The following BRWD1 variants were observed in gnomAD, a reference collection of about 807,000 sequenced individuals.
The protein encoded by BRWD1 is bromodomain and WD repeat domain containing 1, also known as bromodomain and WD repeat-containing protein 1.
Under a neutral mutation model 251.2 loss-of-function variants are expected in BRWD1, and 82 were observed. That is an observed-to-expected ratio of 0.33 (90% confidence interval 0.27 to 0.39). The LOEUF (loss-of-function observed/expected upper bound fraction) is 0.39, where lower values mean the gene tolerates loss of function less well. Ranked by LOEUF, BRWD1 falls within the 10% of genes least tolerant of loss-of-function variation. BRWD1 has a pLI of 1.00. For synonymous variants in BRWD1, 918 were observed against 902.8 expected, an observed-to-expected ratio of 1.02 and a Z score of -0.30; for missense variants, 2,233 against 2,711.6, an observed-to-expected ratio of 0.82 and a Z score of 3.92.
intron 31 of BRWD1, chr21:39,216,628 A>T: frequency 3.0e-6 from 1 of 335,936 alleles, no homozygotes; most frequent in Non-Finnish European, 5.7e-6. Flanking sequence ...GAAGTATATG[A>T]CTGTATAAAT....
At chr21:39,262,657 G>C (rs549733178) in intron 17 of BRWD1, among the ~76,000 whole-genome samples, 1 of 152,160 alleles carries the variant, frequency 6.6e-6, no homozygotes, top group East Asian at 1.9e-4. Context: ...GGAGGTTGCA[G>C]TGAGCCAAGA....
chr21:39,269,251 A>T (rs79011885), intron 15 of BRWD1, among the ~76,000 whole-genome samples: 15,273 of 148,370 alleles, frequency 0.1, 897 homozygotes, highest in East Asian at 0.14. Flanking sequence ...AAAAAAAAAA[A>T]TTTTTTTTTT....
At chr21:39,217,079 ATATATTTTTT>A (rs2032973410) in intron 31 of BRWD1, 1 of 11,690 alleles carries the variant, frequency 8.6e-5, no homozygotes, top group Non-Finnish European at 1.5e-4. Context: ...ATATATATAT[ATATATTTTTT>A]TTTTTTTTTT....
chr21:39,313,018 G>A lies in BRWD1; in HGVS notation c.138+54C>T, dbSNP rs868616798. 1.7e-3 allele frequency: 2,258 copies of A among 1,294,114 alleles called. 6 individuals carry two copies. Among genetic ancestry groups the A allele is most frequent in the Middle Eastern group, 6.4e-3 (22 of 3,422 alleles). 80.2% of individuals were successfully genotyped at this position (1,294,114 alleles called of 1,614,324 possible). Reference sequence around the variant, plus strand: ...GGGGGGCGCGGGCGAGCATCCCTCAGGGCAAGGTCGGCAGGAGGAACCCGA... The same window carrying A: ...GGGGGGCGCGGGCGAGCATCCCTCAAGGCAAGGTCGGCAGGAGGAACCCGA... On this transcript the variant is annotated intron_variant, in intron 3 of 40. Transcript: ENST00000342449.
At chr21:39,208,181 G>C (rs747808479) in intron 36 of BRWD1, among the ~76,000 whole-genome samples, 3 of 152,144 alleles carry the variant, frequency 2.0e-5, no homozygotes, top group Non-Finnish European at 2.9e-5. Context: ...AAAAACCACT[G>C]AACTATAAGC....
chr21:39,224,042 G>A (rs1000673955), intron 29 of BRWD1, among the ~76,000 whole-genome samples: 2 of 152,146 alleles, frequency 1.3e-5, no homozygotes, highest in Non-Finnish European at 2.9e-5. Flanking sequence ...TAGACACAGG[G>A]TTTCACCATG....
intron 26 of BRWD1, 70 bp from the exon 27 acceptor site, chr21:39,228,652 C>G (rs1450987625): frequency 1.3e-6 from 1 of 798,694 alleles, no homozygotes; most frequent in African/African-American, 1.7e-5. Flanking sequence ...GCAGCACTGT[C>G]CAAAAGAAAC....
chr21:39,206,977 C>T (rs2032422032), intron 36 of BRWD1, among the ~76,000 whole-genome samples: 1 of 152,248 alleles, frequency 6.6e-6, no homozygotes, highest in East Asian at 1.9e-4. Flanking sequence ...CAGTGGATGG[C>T]GAAGACACTC....
In BRWD1 at chr21:39,196,799, A is replaced by T; in HGVS notation, c.6270T>A (p.Asn2090Lys). Residue 2090 changes from asparagine to lysine, a missense_variant, in exon 41 of 41, where the codon AAT becomes AAA. Physicochemically the swap from Asn to Lys is moderately conservative, Grantham distance 94 (BLOSUM62 0). This residue lies in a region of BRWD1 where 928 missense variants were observed against 970.0 expected (regional missense o/e 0.96). Coordinates refer to ENST00000342449, the MANE Select transcript of BRWD1 (RefSeq NM_033656.4). ...TAENNFEVEL[N>K]YGLRRWNGRR... ...TGCCATTCCACCTGCGCAGCCCATAATTCAGTTCCACTTCAAAATTATTCT... is the reference window on the plus strand; with the variant it reads ...TGCCATTCCACCTGCGCAGCCCATATTTCAGTTCCACTTCAAAATTATTCT... 1 of 1,613,194 alleles carries T rather than the reference A, an allele frequency of 6.2e-7. No individual in the cohort carries two copies. The highest frequency in any genetic ancestry group is 8.5e-7 in the Non-Finnish European group (1 of 1,179,872).
At chr21:39,229,888 A>G (rs1403450457) in intron 25 of BRWD1, among the ~76,000 whole-genome samples, 1 of 152,036 alleles carries the variant, frequency 6.6e-6, no homozygotes, top group Non-Finnish European at 1.5e-5. Context: ...CAGGTACAAC[A>G]TGCCACCACA....
intron 18 of BRWD1, among the ~76,000 whole-genome samples, 189 bp downstream of exon 18, chr21:39,258,298 A>G (rs558075699): frequency 6.6e-6 from 1 of 152,324 alleles, no homozygotes; most frequent in East Asian, 1.9e-4. Context: ...GCAGTACTTG[A>G]AATTCAAAGA....
Position 39,210,037 on chromosome 21 carries a change from T to C in BRWD1, c.4155A>G (p.Ile1385Met), listed in dbSNP as rs2032586603. 3.1e-6 allele frequency: 5 copies of C among 1,613,774 alleles called. No individual in the cohort carries two copies. The highest frequency in any genetic ancestry group is 1.7e-4 in the Middle Eastern group (1 of 6,056). The change falls in exon 36 of 41, where the codon ATA becomes ATG. Residue 1385 changes from isoleucine (I) to methionine (M), a missense_variant. Ile to Met is a conservative substitution (Grantham distance 10). Transcript: ENST00000342449. ...PLEFCKDIRL[I>M]FSNAKAYTPN... is the part of the protein sequence containing the mutation. Reference sequence around the variant, plus strand: ...GTGTATACGCTTTTGCATTGCTAAATATCAGCCGGATGTCTTTGCAAAACT... The same window carrying C: ...GTGTATACGCTTTTGCATTGCTAAACATCAGCCGGATGTCTTTGCAAAACT...
In BRWD1 at chr21:39,195,537, T is replaced by C. The variant is rs2031767939; in HGVS notation, c.*722A>G. 21 of 984,668 alleles carry C rather than the reference T, an allele frequency of 2.1e-5. No homozygotes were observed. The highest frequency in any genetic ancestry group is 2.4e-5 in the Non-Finnish European group (20 of 828,910). 61.0% of individuals were successfully genotyped at this position (984,668 alleles called of 1,614,324 possible). A position where few individuals can be genotyped will look rare whatever the true frequency, so the allele number is the denominator to read the frequency against. On this transcript the variant is annotated 3_prime_UTR_variant, in exon 41 of 41. Transcript: ENST00000342449. Reference sequence around the variant, plus strand: ...TTAAAAGAAAATGCTCTGACTATGCTCTGGTCCTAGAGGTTTAAAACATGC... The same window carrying C: ...TTAAAAGAAAATGCTCTGACTATGCCCTGGTCCTAGAGGTTTAAAACATGC...
At chr21:39,227,330 G>C (rs1033274012) in intron 27 of BRWD1, among the ~76,000 whole-genome samples, 3 of 151,666 alleles carry the variant, frequency 2.0e-5, no homozygotes, top group Non-Finnish European at 2.9e-5. Flanking sequence ...CAATACACAA[G>C]CTCCCTGGAT....
chr21:39,280,150 A>G lies in BRWD1; in HGVS notation c.930T>C (p.Phe310=), dbSNP rs773307814. Reference sequence around the variant, plus strand: ...GTTACATAATTAAAGCCACTTACCTAAATTTTAAGGATTCTAAATCCCATT... The same window carrying G: ...GTTACATAATTAAAGCCACTTACCTGAATTTTAAGGATTCTAAATCCCATT... ...FWQWDLESLK[F]SPRPLKFTEK... The change falls in exon 9 of 41, where the codon TTT becomes TTC. Residue 310 remains phenylalanine (F), a splice_region_variant and synonymous_variant. Transcript: ENST00000342449. 1.6e-5 allele frequency: 26 copies of G among 1,588,374 alleles called. No individual in the cohort carries two copies. Among genetic ancestry groups the G allele is most frequent in the Non-Finnish European group, 2.1e-5 (25 of 1,170,450 alleles).
chr21:39,252,171 C>G (rs778578666), intron 19 of BRWD1, among the ~76,000 whole-genome samples: 2 of 150,132 alleles, frequency 1.3e-5, no homozygotes, highest in African/African-American at 2.5e-5. Context: ...ATCGCTTGAA[C>G]CAGGGAGGTG....
At chr21:39,292,353 C>G (rs1434019380) in intron 8 of BRWD1, among the ~76,000 whole-genome samples, 1 of 152,104 alleles carries the variant, frequency 6.6e-6, no homozygotes, top group Non-Finnish European at 1.5e-5. Context: ...GAACCGTGCA[C>G]TAGTAAGAGT....
At position 39,196,611 on chromosome 21, in the gene BRWD1, G is replaced by T; in HGVS notation, c.6458C>A (p.Thr2153Asn). The change falls in exon 41 of 41, where the codon ACT becomes AAT. Residue 2153 changes from threonine (T) to asparagine (N), a missense_variant. Transcript: ENST00000342449. Reference protein sequence around the residue: ...TTGNSKFRPDTSSKSSDLGSV... With the variant: ...TTGNSKFRPDNSSKSSDLGSV... ...TCCCAAATCTGATGATTTGGAACTAGTATCAGGTCTAAACTTTGAATTCCC... is the reference window on the plus strand; with the variant it reads ...TCCCAAATCTGATGATTTGGAACTATTATCAGGTCTAAACTTTGAATTCCC... 3 of 1,613,580 alleles carry T rather than the reference G, an allele frequency of 1.9e-6. No homozygotes were observed. The highest frequency in any genetic ancestry group is 1.6e-4 in the Middle Eastern group (1 of 6,062).
chr21:39,276,257 G>T (rs1322255701), intron 11 of BRWD1, 44 bp from the exon 12 acceptor site: 1 of 1,523,394 alleles, frequency 6.6e-7, no homozygotes, highest in Non-Finnish European at 8.9e-7. Context: ...TCATCTACAT[G>T]GTCTGTGAAT....
Sources: allele counts gnomAD v4.1 joint callset (sites outside exome capture counted in the v4.1 genomes callset), GRCh38; gene constraint gnomAD v4.1.1; regional missense constraint gnomAD v4.1.1; transcripts MANE v1.5; gene names NCBI Gene and HGNC (gene_info 2026-07-23, HGNC 2026-07-21).